NIPSNAP2: variants seen among roughly 807,000 people sequenced by gnomAD.
NIPSNAP2 encodes protein NipSnap homolog 2.
Under a neutral mutation model 48.4 loss-of-function variants are expected in NIPSNAP2, and 42 were observed. The observed-to-expected ratio is 0.87, with a 90% CI of 0.68 to 1.12. NIPSNAP2 has a LOEUF of 1.12. Ranked by LOEUF, NIPSNAP2 falls within the 50% of genes most tolerant of loss-of-function variation. NIPSNAP2 has a pLI of 0.00. For synonymous variants in NIPSNAP2, 158 were observed against 126.6 expected, an observed-to-expected ratio of 1.25 and a Z score of -1.67; for missense variants, 314 against 347.3, an observed-to-expected ratio of 0.90 and a Z score of 0.76.
intron 7 of NIPSNAP2, among the ~76,000 whole-genome samples, chr7:55,987,488 C>T (rs1787355416): frequency 6.6e-6 from 1 of 151,944 alleles, no homozygotes; most frequent in South Asian, 2.1e-4. Context: ...ATTAGCTGGG[C>T]GTGGTAGCGT....
chr7:55,979,733 G>A (rs935704648), intron 3 of NIPSNAP2: 5 of 454,184 alleles, frequency 1.1e-5, no homozygotes, highest in East Asian at 7.0e-5. Context: ...TTTTCATCAC[G>A]TTTTTTCTTT....
intron 9 of NIPSNAP2, among the ~76,000 whole-genome samples, chr7:55,998,208 C>G (rs1428709234): frequency 6.6e-6 from 1 of 151,316 alleles, no homozygotes; most frequent in Non-Finnish European, 1.5e-5. Context: ...GAGATTGTGC[C>G]ACTGCACTCC....
chr7:55,978,611 T>G, intron 3 of NIPSNAP2: 1 of 538,926 alleles, frequency 1.9e-6, no homozygotes, highest in South Asian at 2.4e-5. Flanking sequence ...GCTATCAGAC[T>G]TTAGAATGTT....
chr7:55,978,066 A>C, intron 1 of NIPSNAP2, 60 bp from the exon 2 acceptor site: 1 of 1,584,742 alleles, frequency 6.3e-7, no homozygotes, highest in East Asian at 2.2e-5. Flanking sequence ...TGTTTGCCAG[A>C]TTAACTGATG....
At chr7:55,981,201 A>G (rs747670369) in intron 3 of NIPSNAP2, 21 of 200,244 alleles carry the variant, frequency 1.0e-4, no homozygotes, top group Non-Finnish European at 1.8e-4. Flanking sequence ...AAATCCTGGG[A>G]CCTTTGGTTT....
chr7:55,969,774 G>A (rs1008227984), intron 1 of NIPSNAP2, among the ~76,000 whole-genome samples: 1 of 152,090 alleles, frequency 6.6e-6, no homozygotes, highest in African/African-American at 2.4e-5. Context: ...ACGAGGTCAG[G>A]AGATCGAGAC....
rs1164855630 is a variant in NIPSNAP2 at position 55,998,493 on chromosome 7, GTTTTTTTTT to G, written c.797-497_797-489del. On this transcript the variant is annotated intron_variant, in intron 9 of 9. Coordinates refer to ENST00000322090, the MANE Select transcript of NIPSNAP2 (RefSeq NM_001483.3). Reference sequence around the variant, plus strand: ...TAAAACAAATATCCAGGTAGGATCTGTTTTTTTTTTTTTTTTTTTTTTTTTTGAGACGGA... The same window carrying G: ...TAAAACAAATATCCAGGTAGGATCTGTTTTTTTTTTTTTTTTTGAGACGGA... 7.9e-5 allele frequency among the ~76,000 whole-genome samples: 5 copies of G among 63,198 alleles called. 1 individual carries two copies. Among genetic ancestry groups the G allele is most frequent in the South Asian group, 6.4e-4 (1 of 1,554 alleles). 41.5% of individuals were successfully genotyped at this position (63,198 alleles called of 152,430 possible).
At chr7:55,966,383 G>T (rs1344867478) in intron 1 of NIPSNAP2, among the ~76,000 whole-genome samples, 1 of 152,164 alleles carries the variant, frequency 6.6e-6, no homozygotes, top group African/African-American at 2.4e-5. Flanking sequence ...GCGGCAGGAG[G>T]ATTGCTTGAG....
At chr7:55,983,320 A>T (rs1787259661) in intron 5 of NIPSNAP2, among the ~76,000 whole-genome samples, 1 of 152,180 alleles carries the variant, frequency 6.6e-6, no homozygotes, top group Non-Finnish European at 1.5e-5. Context: ...GAGAAATTTA[A>T]AAGCCACACA....
At chr7:55,970,801 C>T (rs533050158) in intron 1 of NIPSNAP2, among the ~76,000 whole-genome samples, 9 of 152,204 alleles carry the variant, frequency 5.9e-5, no homozygotes, top group African/African-American at 9.6e-5. Flanking sequence ...CTGGAATTAG[C>T]ACCTGCCTTC....
Position 55,981,304 on chromosome 7 carries a change from AC to A in NIPSNAP2, c.279-168del, listed in dbSNP as rs755778112. ...CTGATCAGCAGGGTGTTGGAATACA[AC>A]ATAATTCAGCTAAAAGGTTAACTCC... On this transcript the variant is annotated intron_variant, in intron 3 of 9. Coordinates refer to ENST00000322090, the MANE Select transcript of NIPSNAP2 (RefSeq NM_001483.3). 228 of 541,806 alleles carry A rather than the reference AC, an allele frequency of 4.2e-4. 3 individuals are homozygous for A. Among genetic ancestry groups the A allele is most frequent in the Non-Finnish European group, 9.0e-5 (27 of 300,710 alleles). 33.6% of individuals were successfully genotyped at this position (541,806 alleles called of 1,614,324 possible). A position where few individuals can be genotyped will look rare whatever the true frequency, so the allele number is the denominator to read the frequency against.
At chr7:55,978,495 CCT>C in intron 3 of NIPSNAP2, 100 bp downstream of exon 3, 2 of 1,054,906 alleles carry the variant, frequency 1.9e-6, no homozygotes, top group Non-Finnish European at 2.7e-6. Flanking sequence ...ATCTTTCATC[CCT>C]CTCTTTTGAA....
intron 7 of NIPSNAP2, among the ~76,000 whole-genome samples, chr7:55,992,494 A>G (rs1376690329): frequency 6.6e-6 from 1 of 152,146 alleles, no homozygotes; most frequent in African/African-American, 2.4e-5. Context: ...TGTCTTAAAA[A>G]AGGAGATTGG....
At position 55,997,401 on chromosome 7, in the gene NIPSNAP2, A is replaced by C. The variant is rs1787584124; in HGVS notation, c.748A>C (p.Asn250His). ...RDLQTREDIRNAAWHKHGWEE... is the reference protein window; with the variant it reads ...RDLQTREDIRHAAWHKHGWEE... ...TCTTCAGACCAGGGAAGACATACGG[A>C]ATGCAGCATGGCACAAACATGGCTG... Residue 250 changes from asparagine to histidine, a missense_variant, in exon 9 of 10, where the codon AAT becomes CAT. Around this residue, in one of 2 missense-constraint regions of NIPSNAP2, gnomAD observed 116 missense variants for 161.8 expected, o/e 0.72. Transcript: ENST00000322090. The C allele has an allele frequency of 6.2e-7, 1 of 1,613,854 alleles. No individual in the cohort carries two copies. Among genetic ancestry groups the C allele is most frequent in the African/African-American group, 1.3e-5 (1 of 74,916 alleles).
At chr7:55,976,859 C>T (rs944896979) in intron 1 of NIPSNAP2, among the ~76,000 whole-genome samples, 2 of 152,080 alleles carry the variant, frequency 1.3e-5, no homozygotes, top group Non-Finnish European at 2.9e-5. Flanking sequence ...CGCACCACCA[C>T]ACACCAGCCT....
intron 1 of NIPSNAP2, among the ~76,000 whole-genome samples, chr7:55,967,470 A>ATTT (rs576112052): frequency 1.4e-5 from 2 of 147,918 alleles, no homozygotes; most frequent in Admixed American, 1.4e-4. Flanking sequence ...TGACTAAAGA[A>ATTT]TTTTTTTTTT....
At chr7:55,997,543 A>ATGT in intron 9 of NIPSNAP2, 94 bp downstream of exon 9, 1 of 949,660 alleles carries the variant, frequency 1.1e-6, no homozygotes, top group East Asian at 2.5e-5. Flanking sequence ...TTGTAATAGT[A>ATGT]TGTTGCTAGG....
intron 1 of NIPSNAP2, among the ~76,000 whole-genome samples, chr7:55,972,134 C>T (rs1369195809): frequency 6.6e-6 from 1 of 151,860 alleles, no homozygotes; most frequent in Non-Finnish European, 1.5e-5. Context: ...GGTGAAAACC[C>T]ACCTCTACTA....
intron 8 of NIPSNAP2, 138 bp from the exon 9 acceptor site, chr7:55,997,228 C>T (rs538920842): frequency 3.7e-6 from 2 of 541,912 alleles, no homozygotes; most frequent in South Asian, 2.6e-5. Flanking sequence ...TCAGAATTTC[C>T]CCAGCCCAGT....
Sources: gnomAD v4.1 joint callset for allele counts (sites outside exome capture counted in the v4.1 genomes callset) on GRCh38, gnomAD v4.1.1 for gene constraint, gnomAD v4.1.1 regional missense constraint, MANE v1.5 for transcripts, NCBI Gene and HGNC (gene_info 2026-07-23, HGNC 2026-07-21) for gene names.